ADAM9: variants seen among roughly 807,000 people sequenced by gnomAD.
The protein encoded by ADAM9 is ADAM metallopeptidase domain 9, also known as disintegrin and metalloproteinase domain-containing protein 9.
ADAM9 carries 54 observed loss-of-function variants against 108.1 expected under a neutral mutation model. The observed-to-expected ratio is 0.50, with a 90% CI of 0.40 to 0.63. ADAM9 has a LOEUF of 0.63. ADAM9 is among the 20% of genes least tolerant of loss of function. The probability of loss-of-function intolerance (pLI) is 0.00; values close to 1 mark genes in which losing one functional copy is unlikely to be tolerated. For synonymous variants in ADAM9, 316 were observed against 336.0 expected, an observed-to-expected ratio of 0.94 and a Z score of 0.65; for missense variants, 830 against 997.7, an observed-to-expected ratio of 0.83 and a Z score of 2.26.
At chr8:39,058,619 C>G (rs1241150888) in intron 14 of ADAM9, among the ~76,000 whole-genome samples, 1 of 152,154 alleles carries the variant, frequency 6.6e-6, no homozygotes, top group Non-Finnish European at 1.5e-5. Context: ...GTAATTCTAC[C>G]TGGCATAGAA....
At chr8:39,044,675 T>C (rs898516753) in intron 12 of ADAM9, among the ~76,000 whole-genome samples, 1 of 152,116 alleles carries the variant, frequency 6.6e-6, no homozygotes, top group African/African-American at 2.4e-5. Context: ...CCTCCATCTT[T>C]ATGTCCATGT....
chr8:39,033,188 T>A (rs970339270), intron 11 of ADAM9, among the ~76,000 whole-genome samples: 1 of 152,236 alleles, frequency 6.6e-6, no homozygotes, highest in African/African-American at 2.4e-5. Flanking sequence ...CTAATGTACA[T>A]GATATTATGT....
chr8:39,032,054 A>G lies in ADAM9; in HGVS notation c.1130+5244A>G, dbSNP rs1837111612. On this transcript the variant is annotated intron_variant, in intron 11 of 21. Coordinates refer to ENST00000487273, the MANE Select transcript of ADAM9 (RefSeq NM_003816.3). ...CCTTCCTCTGGAAGCCTCATCCCAG[A>G]GGGGCACCCGCCTGTGTGAGGTGTC... is the stretch of plus-strand genomic sequence containing the variant. 1.3e-5 allele frequency among the ~76,000 whole-genome samples: 2 copies of G among 152,182 alleles called. 1 individual carries two copies. Among genetic ancestry groups the G allele is most frequent in the South Asian group, 4.1e-4 (2 of 4,832 alleles).
rs577108351 is a variant in ADAM9 at position 39,050,863 on chromosome 8, A to G, written c.1303-3618A>G. ...TTTTTTTTTTTTTTTTTTAATCACT[A>G]TGTTAAACTGGGTAGAGGAACTGTG... On this transcript the variant is annotated intron_variant, in intron 12 of 21. Transcript: ENST00000487273. Among the ~76,000 whole-genome samples, 21 of 109,828 alleles carry G rather than the reference A, an allele frequency of 1.9e-4. No individual in the cohort carries two copies. In the East Asian group the frequency reaches 2.8e-3, roughly 15 times the overall value. 72.1% of individuals were successfully genotyped at this position (109,828 alleles called of 152,430 possible).
chr8:39,011,092 CAAAA>C (rs34155093), intron 2 of ADAM9, among the ~76,000 whole-genome samples: 2 of 72,936 alleles, frequency 2.7e-5, no homozygotes. Context: ...GACTCCATCT[CAAAA>C]AAAAAAAAAA....
chr8:39,018,988 A>C, intron 7 of ADAM9, 70 bp downstream of exon 7: 2 of 1,336,124 alleles, frequency 1.5e-6, no homozygotes, highest in Non-Finnish European at 2.2e-6. Context: ...AATGAAGGAA[A>C]TCTAAACTAC....
intron 12 of ADAM9, among the ~76,000 whole-genome samples, chr8:39,049,154 C>T (rs1375244041): frequency 6.6e-6 from 1 of 151,820 alleles, no homozygotes; most frequent in Non-Finnish European, 1.5e-5. Context: ...CCTGCCCTTT[C>T]TTGCTGTTTT....
intron 1 of ADAM9, among the ~76,000 whole-genome samples, chr8:39,006,365 C>A (rs1423384631): frequency 6.6e-6 from 1 of 151,788 alleles, no homozygotes; most frequent in Admixed American, 6.6e-5. Context: ...TCTTTTTAAT[C>A]CCAAACCAGA....
intron 1 of ADAM9, among the ~76,000 whole-genome samples, chr8:39,000,316 C>G (rs1835957578): frequency 6.6e-6 from 1 of 152,162 alleles, no homozygotes; most frequent in South Asian, 2.1e-4. Context: ...TTGAATGGGT[C>G]TAATGTGGAC....
chr8:39,016,408 A>G (rs1439654203), intron 5 of ADAM9, among the ~76,000 whole-genome samples: 1 of 151,992 alleles, frequency 6.6e-6, no homozygotes, highest in African/African-American at 2.4e-5. Flanking sequence ...TAAAGAGGAA[A>G]TTTTTTTTGA....
intron 15 of ADAM9, among the ~76,000 whole-genome samples, chr8:39,075,208 T>G (rs1838817828): frequency 6.6e-6 from 1 of 152,146 alleles, no homozygotes; most frequent in Non-Finnish European, 1.5e-5. Context: ...CGCCTGGCCC[T>G]AAGCCCAAAA....
intron 11 of ADAM9, among the ~76,000 whole-genome samples, chr8:39,038,604 A>G (rs555647431): frequency 3.3e-5 from 5 of 152,284 alleles, no homozygotes; most frequent in Admixed American, 2.0e-4. Flanking sequence ...CATAATCATA[A>G]CCTTTACATG....
At chr8:39,100,197 A>G (rs1839644457) in intron 20 of ADAM9, among the ~76,000 whole-genome samples, 1 of 151,868 alleles carries the variant, frequency 6.6e-6, no homozygotes, top group Admixed American at 6.6e-5. Context: ...ACCTTGTTGT[A>G]AGATTCAGTC....
chr8:39,049,240 C>T (rs1837873800), intron 12 of ADAM9, among the ~76,000 whole-genome samples: 1 of 151,364 alleles, frequency 6.6e-6, no homozygotes, highest in Non-Finnish European at 1.5e-5. Context: ...GTGTAACTTC[C>T]TTCTATAGGT....
intron 14 of ADAM9, among the ~76,000 whole-genome samples, chr8:39,056,371 T>C (rs531340331): frequency 3.3e-4 from 41 of 124,472 alleles, no homozygotes; most frequent in African/African-American, 1.0e-3. Flanking sequence ...TTTTGTTAAC[T>C]TGTGCTAGGT....
chr8:39,044,937 CATACCTATGTATGTGTAT>C (rs1837578438), intron 12 of ADAM9, among the ~76,000 whole-genome samples: 1 of 149,866 alleles, frequency 6.7e-6, no homozygotes, highest in Non-Finnish European at 1.5e-5. Flanking sequence ...TGTGTGCACA[CATACCTATGTATGTGTAT>C]ATGTGTGTGC....
chr8:39,067,491 G>A (rs1838522374), intron 14 of ADAM9, among the ~76,000 whole-genome samples: 1 of 152,116 alleles, frequency 6.6e-6, no homozygotes, highest in Admixed American at 6.5e-5. Flanking sequence ...TGGATTCCTA[G>A]GTATTTTATT....
chr8:39,105,120 A>G lies in ADAM9; in HGVS notation c.*1420A>G, dbSNP rs542609523. 2.5e-6 allele frequency: 1 copy of G among 406,242 alleles called. No homozygotes were observed. The highest frequency in any genetic ancestry group is 7.3e-5 in the East Asian group (1 of 13,642). The allele number at this position is 406,242 out of a possible 1,614,324, so 25.2% of individuals were successfully genotyped here. The stretch of plus-strand genomic sequence containing the variant: ...CAGATATTATCTCACTAATTTTCAG[A>G]CTTTTGCCAAAGTGTGCACAATGGC... On this transcript the variant is annotated 3_prime_UTR_variant, in exon 22 of 22. Transcript: ENST00000487273.
intron 14 of ADAM9, 61 bp from the exon 15 acceptor site, chr8:39,071,237 T>C (rs1838677668): frequency 1.3e-6 from 2 of 1,522,936 alleles, no homozygotes; most frequent in Admixed American, 1.7e-5. Flanking sequence ...GGAATACTTT[T>C]ATTTCAAAAG....
Sources: gnomAD v4.1 joint callset for allele counts (sites outside exome capture counted in the v4.1 genomes callset) on GRCh38, gnomAD v4.1.1 for gene constraint, MANE v1.5 for transcripts, NCBI Gene and HGNC (gene_info 2026-07-23, HGNC 2026-07-21) for gene names.